The following DDX43 variants were observed in gnomAD, a reference collection of about 807,000 sequenced individuals.
DDX43 encodes the protein probable ATP-dependent RNA helicase DDX43.
Under a neutral mutation model 84.9 loss-of-function variants are expected in DDX43, and 50 were observed. The ratio of observed to expected loss-of-function variants is 0.59; its 90% CI spans 0.47 to 0.75. The LOEUF is 0.75. Among genes scored for constraint, DDX43 ranks in the 30% least tolerant of loss-of-function variants. The pLI is 0.00. For synonymous variants in DDX43, 291 were observed against 266.3 expected (o/e 1.09, Z -0.90); for missense variants, 689 against 798.6 (o/e 0.86, Z 1.65).
At position 73,409,271 on chromosome 6, in the gene DDX43, G is replaced by A; in HGVS notation, c.1203G>A (p.Met401Ile). 1.2e-6 allele frequency: 2 copies of A among 1,614,134 alleles called. No homozygotes were observed. Among genetic ancestry groups the A allele is most frequent in the Non-Finnish European group, 1.7e-6 (2 of 1,179,996 alleles). ...AGGTTTTAGATGAAGCAGACAAGATGTTGGACATGGGATTTGAACCCCAGA... is the reference window on the plus strand; with the variant it reads ...AGGTTTTAGATGAAGCAGACAAGATATTGGACATGGGATTTGAACCCCAGA... ...TYLVLDEADK[M>I]LDMGFEPQIM... The change falls in exon 10 of 17, where the codon ATG becomes ATA. Residue 401 changes from methionine to isoleucine, a missense_variant. Transcript: ENST00000370336.
In DDX43 at chr6:73,412,192, C is replaced by T; in HGVS notation, c.1281-13C>T. 6.3e-7 allele frequency: 1 copy of T among 1,599,072 alleles called. No homozygotes were observed. The highest frequency in any genetic ancestry group is 8.5e-7 in the Non-Finnish European group (1 of 1,172,748). ...TACAACAAAATTGTAATGTTTGTAA[C>T]TTGTATTCCCAGTGCTACATGGCCT... On this transcript the variant is annotated splice_polypyrimidine_tract_variant and intron_variant, in intron 10 of 16. Coordinates refer to ENST00000370336, the MANE Select transcript of DDX43 (RefSeq NM_018665.3).
At chr6:73,413,635 A>G (rs1016729820) in intron 11 of DDX43, 23 bp from the exon 12 acceptor site, 2 of 1,609,538 alleles carry the variant, frequency 1.2e-6, no homozygotes, top group Non-Finnish European at 1.7e-6. Flanking sequence ...ACCTTGATGA[A>G]CTATGTTCTT....
At chr6:73,414,757 C>A in intron 14 of DDX43, 71 bp downstream of exon 14, 1 of 1,400,578 alleles carries the variant, frequency 7.1e-7, no homozygotes. Context: ...AACTTCTTGC[C>A]CAGAAAACCA....
chr6:73,404,642 AT>A (rs5877364), intron 4 of DDX43, 47 bp from the exon 5 acceptor site: 219,909 of 1,347,136 alleles, frequency 0.16, 19,352 homozygotes, highest in Non-Finnish European at 0.18. Context: ...CTAAGTATTC[AT>A]GATGCTGTAA....
intron 3 of DDX43, 131 bp from the exon 4 acceptor site, chr6:73,401,728 G>A: frequency 1.2e-6 from 1 of 806,976 alleles, no homozygotes. Flanking sequence ...CGGGAACCCG[G>A]GAGGTGGAGC....
In DDX43 at chr6:73,415,713, T is replaced by C. The variant is rs1225485524; in HGVS notation, c.1833+129T>C. On this transcript the variant is annotated intron_variant, in intron 15 of 16. Transcript: ENST00000370336. ...TCATCACGTTTTGAGGGCTTTAGCA[T>C]GGCAGTGATAAGAAACTATGGGAGC... The C allele has an allele frequency of 4.8e-6, 3 of 624,560 alleles. No individual in the cohort carries two copies. In the East Asian group the frequency reaches 8.5e-5, roughly 18 times the overall value. 38.7% of individuals were successfully genotyped at this position (624,560 alleles called of 1,614,324 possible). A position where few individuals can be genotyped will look rare whatever the true frequency, so the allele number is the denominator to read the frequency against.
intron 2 of DDX43, chr6:73,398,066 C>T: frequency 5.1e-6 from 1 of 194,294 alleles, no homozygotes; most frequent in African/African-American, 2.3e-5. Flanking sequence ...TTGCCTTGGC[C>T]TCCCAAAGTG....
intron 4 of DDX43, among the ~76,000 whole-genome samples, chr6:73,404,099 C>T (rs913204548): frequency 4.6e-5 from 7 of 150,708 alleles, no homozygotes; most frequent in Non-Finnish European, 7.4e-5. Context: ...GGATTACAGG[C>T]GTGAGCCGCC....
At chr6:73,406,566 T>G (rs1769688249) in intron 7 of DDX43, 84 bp downstream of exon 7, 2 of 834,702 alleles carry the variant, frequency 2.4e-6, no homozygotes, top group Admixed American at 4.5e-5. Context: ...TCTTTACCTA[T>G]TGCTTGATCC....
rs756626330 is a variant in DDX43 at position 73,408,027 on chromosome 6, A to G, written c.1105A>G (p.Ile369Val). The change falls in exon 9 of 17, where the codon ATA (isoleucine) becomes GTA (valine). Residue 369 changes from isoleucine to valine, a missense_variant. Coordinates refer to ENST00000370336, the MANE Select transcript of DDX43 (RefSeq NM_018665.3). Reference protein sequence around the residue: ...IEELKKGVDIIIATPGRLNDL... With the variant: ...IEELKKGVDIVIATPGRLNDL... ...AGAGCTTAAAAAAGGTGTAGATATC[A>G]TAATTGCAACTCCCGGAAGATTGAA... is the stretch of plus-strand genomic sequence containing the variant. 2 of 1,613,044 alleles carry G rather than the reference A, an allele frequency of 1.2e-6. No individual in the cohort carries two copies. The highest frequency in any genetic ancestry group is 1.7e-6 in the Non-Finnish European group (2 of 1,179,574).
At chr6:73,401,121 G>A (rs1019290158) in intron 3 of DDX43, among the ~76,000 whole-genome samples, 2 of 152,128 alleles carry the variant, frequency 1.3e-5, no homozygotes, top group African/African-American at 2.4e-5. Context: ...GGGACCACAG[G>A]TGTGTGCCAC....
chr6:73,414,420 AAAGT>A (rs1769864145), intron 13 of DDX43, 124 bp from the exon 14 acceptor site: 1 of 882,652 alleles, frequency 1.1e-6, no homozygotes, highest in Non-Finnish European at 1.7e-6. Context: ...CCATTTTCAC[AAAGT>A]AAGCATTTTA....
At chr6:73,415,917 A>G (rs1769890125) in intron 15 of DDX43, among the ~76,000 whole-genome samples, 196 bp from the exon 16 acceptor site, 1 of 152,216 alleles carries the variant, frequency 6.6e-6, no homozygotes, top group Non-Finnish European at 1.5e-5. Context: ...ATAAAGGCAC[A>G]TTAAAGGCAC....
chr6:73,402,128 C>G (rs917397405), intron 4 of DDX43, 138 bp downstream of exon 4: 1 of 1,077,440 alleles, frequency 9.3e-7, no homozygotes, highest in Non-Finnish European at 1.3e-6. Context: ...CAATTAGTCC[C>G]TAGGTTATGA....
rs1381662759 is a variant in DDX43, at chr6:73,407,535, G to A, written c.957G>A (p.Met319Ile). 2 of 1,613,676 alleles carry A rather than the reference G, an allele frequency of 1.2e-6. No individual in the cohort carries two copies. The highest frequency in any genetic ancestry group is 1.7e-6 in the Non-Finnish European group (2 of 1,179,722). Residue 319 changes from methionine to isoleucine, a missense_variant, in exon 8 of 17, where the codon ATG becomes ATA. Around this residue, in one of 2 missense-constraint regions of DDX43, gnomAD observed 552 missense variants for 692.7 expected, o/e 0.80. Coordinates refer to ENST00000370336, the MANE Select transcript of DDX43 (RefSeq NM_018665.3). ...SLKGQRNRPG[M>I]LVLTPTRELA... Reference sequence around the variant, plus strand: ...AAGGTCAAAGGAATAGACCCGGCATGTTAGTTCTAACTCCCACTCGGGAAT... The same window carrying A: ...AAGGTCAAAGGAATAGACCCGGCATATTAGTTCTAACTCCCACTCGGGAAT...
intron 14 of DDX43, 66 bp downstream of exon 14, chr6:73,414,752 C>G: frequency 6.9e-6 from 10 of 1,456,986 alleles, no homozygotes; most frequent in Non-Finnish European, 9.2e-6. Flanking sequence ...TCACAAACTT[C>G]TTGCCCAGAA....
Position 73,409,326 on chromosome 6 carries a change from G to A in DDX43, c.1258G>A (p.Asp420Asn). ...GAAGATTTTGTTAGATGTGCGCCCA[G>A]ATAGGCAGACAGTTATGACCAGGTA... ...IMKILLDVRPDRQTVMTSATW... is the reference protein window; with the variant it reads ...IMKILLDVRPNRQTVMTSATW... Residue 420 changes from aspartate to asparagine, a missense_variant, in exon 10 of 17, where the codon GAT (aspartate) becomes AAT (asparagine). Physicochemically the swap from Asp to Asn is conservative, Grantham distance 23. Coordinates refer to ENST00000370336, the MANE Select transcript of DDX43 (RefSeq NM_018665.3). The A allele has an allele frequency of 1.2e-6, 2 of 1,614,034 alleles. No individual in the cohort carries two copies. The highest frequency in any genetic ancestry group is 8.5e-7 in the Non-Finnish European group (1 of 1,179,914).
chr6:73,415,690 A>C, intron 15 of DDX43, 106 bp downstream of exon 15: 3 of 798,648 alleles, frequency 3.8e-6, no homozygotes, highest in Non-Finnish European at 5.9e-6. Context: ...ATAAGTTTTC[A>C]TCACGTTTTG....
At position 73,404,038 on chromosome 6, in the gene DDX43, C is replaced by T. The variant is rs188545996; in HGVS notation, c.569-652C>T. Among the ~76,000 whole-genome samples, 35 of 152,070 alleles carry T rather than the reference C, an allele frequency of 2.3e-4. No homozygotes were observed. In the South Asian group the frequency reaches 5.2e-3, roughly 23 times the overall value. On this transcript the variant is annotated intron_variant, in intron 4 of 16. Coordinates refer to ENST00000370336, the MANE Select transcript of DDX43 (RefSeq NM_018665.3). ...TTCACTATGTTGGCCAGGCTGGTCT[C>T]GAACTCCTGACCTCAGGTGATCCAC...
Sources: gnomAD v4.1 joint callset for allele counts (sites outside exome capture counted in the v4.1 genomes callset) on GRCh38, gnomAD v4.1.1 for gene constraint, gnomAD v4.1.1 regional missense constraint, MANE v1.5 for transcripts, NCBI Gene and HGNC (gene_info 2026-07-23, HGNC 2026-07-21) for gene names.